Variants in SMARCAD1 observed in about 807,000 individuals in gnomAD.
The protein encoded by SMARCAD1 is SNF2 related chromatin remodeling ATPase with DExD box 1, also known as SWI/SNF-related matrix-associated actin-dependent regulator of chromatin subfamily A containing DEAD/H box 1.
Under a neutral mutation model 127.1 loss-of-function variants are expected in SMARCAD1, and 25 were observed. The observed-to-expected ratio is 0.20, with a 90% CI of 0.14 to 0.27. The LOEUF (loss-of-function observed/expected upper bound fraction) is 0.27, where lower values mean the gene tolerates loss of function less well. Ranked by LOEUF, SMARCAD1 falls within the 10% of genes least tolerant of loss-of-function variation. The pLI is 1.00. For synonymous variants in SMARCAD1, 400 were observed against 396.9 expected, an observed-to-expected ratio of 1.01 and a Z score of -0.09; for missense variants, 807 against 1,206.0, an observed-to-expected ratio of 0.67 and a Z score of 4.90.
intron 4 of SMARCAD1, among the ~76,000 whole-genome samples, chr4:94,235,128 T>C (rs1215841556): frequency 2.0e-5 from 3 of 151,896 alleles, no homozygotes; most frequent in Non-Finnish European, 4.4e-5. Context: ...GTTTTTACTA[T>C]ATTTATGAAA....
At position 94,219,071 on chromosome 4, in the gene SMARCAD1, C is replaced by T. The variant is rs147108158; in HGVS notation, c.191-7048C>T. 4.9e-3 allele frequency among the ~76,000 whole-genome samples: 741 copies of T among 152,254 alleles called. 3 individuals are homozygous for T. The highest frequency in any genetic ancestry group is 0.017 in the African/African-American group (700 of 41,540). On this transcript the variant is annotated intron_variant, in intron 2 of 23. Coordinates refer to ENST00000354268, the MANE Select transcript of SMARCAD1 (RefSeq NM_020159.5). ...AAGTGATCTGCCCACGTTGGCCTCC[C>T]AAAGTGCTGGGATTACAGGTGTGAG...
At chr4:94,236,913 G>T (rs1261255236) in intron 4 of SMARCAD1, 39 bp from the exon 5 acceptor site, 1 of 1,478,498 alleles carries the variant, frequency 6.8e-7, no homozygotes, top group South Asian at 1.1e-5. Flanking sequence ...AATTCTTAAA[G>T]TGCTGATTTA....
chr4:94,270,542 G>T (rs1302100805), intron 10 of SMARCAD1, 186 bp from the exon 11 acceptor site: 1 of 543,988 alleles, frequency 1.8e-6, no homozygotes, highest in Non-Finnish European at 3.3e-6. Context: ...AGAGAATAAA[G>T]TTTGAGAAGA....
rs1314645022 is a variant in SMARCAD1, at chr4:94,289,609, C to T, written c.*75C>T. ...CTCAAGGACATTTACATTATGATGACCATGGGGTTTATGAACATTTATAAC... is the reference window on the plus strand; with the variant it reads ...CTCAAGGACATTTACATTATGATGATCATGGGGTTTATGAACATTTATAAC... On this transcript the variant is annotated 3_prime_UTR_variant, in exon 24 of 24. Coordinates refer to ENST00000354268, the MANE Select transcript of SMARCAD1 (RefSeq NM_020159.5). 8.3e-6 allele frequency: 10 copies of T among 1,211,300 alleles called. No individual in the cohort carries two copies. The highest frequency in any genetic ancestry group is 1.2e-5 in the Non-Finnish European group (10 of 813,216). The allele number at this position is 1,211,300 out of a possible 1,614,324, so 75.0% of individuals were successfully genotyped here.
At chr4:94,280,850 C>CCA in intron 20 of SMARCAD1, 70 bp downstream of exon 20, 1 of 1,412,292 alleles carries the variant, frequency 7.1e-7, no homozygotes, top group Non-Finnish European at 1.0e-6. Flanking sequence ...AATTCTGGCA[C>CCA]ACTGACTTGC....
chr4:94,276,425 T>G lies in SMARCAD1; in HGVS notation c.1895T>G (p.Met632Arg). Reference sequence around the variant, plus strand: ...TACGCAATTTTTGATGAGGGCCATATGCTGAAGAATATGGGCTCCATTCGC... The same window carrying G: ...TACGCAATTTTTGATGAGGGCCATAGGCTGAAGAATATGGGCTCCATTCGC... ...LNYAIFDEGH[M>R]LKNMGSIRYQ... Residue 632 changes from methionine (M) to arginine (R), a missense_variant, in exon 15 of 24, where the codon ATG becomes AGG. Coordinates refer to ENST00000354268, the MANE Select transcript of SMARCAD1 (RefSeq NM_020159.5). 6.2e-7 allele frequency: 1 copy of G among 1,614,188 alleles called. No homozygotes were observed. Among genetic ancestry groups the G allele is most frequent in the African/African-American group, 1.3e-5 (1 of 75,058 alleles).
intron 4 of SMARCAD1, among the ~76,000 whole-genome samples, chr4:94,234,561 T>C (rs1462224949): frequency 7.2e-5 from 11 of 152,166 alleles, no homozygotes; most frequent in Admixed American, 7.2e-4. Flanking sequence ...CCAGTAGCAC[T>C]CTTGCTGAGA....
chr4:94,242,761 T>A (rs1265357858), intron 6 of SMARCAD1, among the ~76,000 whole-genome samples: 2 of 151,632 alleles, frequency 1.3e-5, no homozygotes, highest in Non-Finnish European at 2.9e-5. Flanking sequence ...AAAAAAAATT[T>A]TTTTAATTAG....
Position 94,252,759 on chromosome 4 carries a change from A to G in SMARCAD1, c.1033A>G (p.Lys345Glu). The change falls in exon 9 of 24, where the codon AAA (lysine) becomes GAA (glutamate). Residue 345 changes from lysine (K) to glutamate (E), a missense_variant. Transcript: ENST00000354268. Reference protein sequence around the residue: ...KAQNGFNKKRKKNVFNPKRVV... With the variant: ...KAQNGFNKKREKNVFNPKRVV... ...ACAAAATGGCTTTAACAAGAAACGTAAAAAAAATGTTTTTAATCCAAAGAG... is the reference window on the plus strand; with the variant it reads ...ACAAAATGGCTTTAACAAGAAACGTGAAAAAAATGTTTTTAATCCAAAGAG... 6.2e-7 allele frequency: 1 copy of G among 1,605,998 alleles called. No homozygotes were observed. Among genetic ancestry groups the G allele is most frequent in the Non-Finnish European group, 8.5e-7 (1 of 1,176,952 alleles).
chr4:94,284,732 C>T (rs1259771330), intron 22 of SMARCAD1, among the ~76,000 whole-genome samples: 1 of 152,048 alleles, frequency 6.6e-6, no homozygotes, highest in Non-Finnish European at 1.5e-5. Flanking sequence ...TGTGCCCAGT[C>T]AGTAATTTAC....
At chr4:94,284,326 C>CAAAAAAAAAAAAAA (rs1161926658) in intron 22 of SMARCAD1, among the ~76,000 whole-genome samples, 24 of 25,914 alleles carry the variant, frequency 9.3e-4, no homozygotes, top group East Asian at 1.9e-3. Context: ...GACTCCGTCT[C>CAAAAAAAAAAAAAA]AAAAAAAAAA....
intron 2 of SMARCAD1, among the ~76,000 whole-genome samples, chr4:94,210,929 C>CAAA (rs747690168): frequency 0.35 from 19,628 of 56,640 alleles, 3,677 homozygotes; most frequent in East Asian, 0.61. Context: ...GACTGTATCT[C>CAAA]AAAAAAAAAA....
At chr4:94,248,102 G>T (rs1349872645) in intron 6 of SMARCAD1, among the ~76,000 whole-genome samples, 1 of 152,086 alleles carries the variant, frequency 6.6e-6, no homozygotes, top group African/African-American at 2.4e-5. Context: ...TGTGGTATTT[G>T]ATTTTTCTGA....
At chr4:94,248,792 G>A (rs866358028) in intron 6 of SMARCAD1, among the ~76,000 whole-genome samples, 2 of 152,068 alleles carry the variant, frequency 1.3e-5, no homozygotes, top group Admixed American at 6.5e-5. Flanking sequence ...TTACTCCATT[G>A]TGCAGAGGAG....
At chr4:94,282,105 T>TTTTG (rs1553921662) in intron 21 of SMARCAD1, among the ~76,000 whole-genome samples, 1 of 90,664 alleles carries the variant, frequency 1.1e-5, no homozygotes, top group Non-Finnish European at 2.3e-5. Flanking sequence ...TTTTTGTTTT[T>TTTTG]TTTTTTTTTT....
chr4:94,259,154 T>C lies in SMARCAD1; in HGVS notation c.1282-5553T>C, dbSNP rs1750573349. Among the ~76,000 whole-genome samples the C allele has an allele frequency of 1.3e-5, 2 of 152,284 alleles. 1 individual carries two copies. Among genetic ancestry groups the C allele is most frequent in the South Asian group, 4.1e-4 (2 of 4,834 alleles). On this transcript the variant is annotated intron_variant, in intron 9 of 23. Coordinates refer to ENST00000354268, the MANE Select transcript of SMARCAD1 (RefSeq NM_020159.5). The stretch of plus-strand genomic sequence containing the variant: ...GTGGTATGTTACAACTTTTGGAAAG[T>C]GTTGTTTCTTCCTGCCGGTAGAAGG...
chr4:94,275,542 G>A (rs563353193), intron 14 of SMARCAD1, among the ~76,000 whole-genome samples: 21 of 151,902 alleles, frequency 1.4e-4, no homozygotes, highest in African/African-American at 4.3e-4. Context: ...AAATTCATGC[G>A]GAATTTTATT....
chr4:94,241,987 C>T (rs1747650448), intron 6 of SMARCAD1, among the ~76,000 whole-genome samples: 2 of 152,070 alleles, frequency 1.3e-5, no homozygotes, highest in Admixed American at 1.3e-4. Context: ...AACATTCACA[C>T]AAACACCGTT....
At chr4:94,224,668 G>A (rs1361310260) in intron 2 of SMARCAD1, among the ~76,000 whole-genome samples, 2 of 152,148 alleles carry the variant, frequency 1.3e-5, no homozygotes, top group African/African-American at 4.8e-5. Context: ...AATAATGATT[G>A]TTATAATTTA....
Sources: allele counts gnomAD v4.1 joint callset (sites outside exome capture counted in the v4.1 genomes callset), GRCh38; gene constraint gnomAD v4.1.1; transcripts MANE v1.5; gene names NCBI Gene and HGNC (gene_info 2026-07-23, HGNC 2026-07-21).